HMCN2: variants seen among roughly 807,000 people sequenced by gnomAD.
The protein encoded by HMCN2 is hemicentin-2.
A neutral mutation model predicts 377.5 loss-of-function variants in HMCN2; 325 were observed. That is an observed-to-expected ratio of 0.86 (90% CI 0.79 to 0.94). The LOEUF is 0.94. Among genes scored for constraint, HMCN2 ranks in the 40% least tolerant of loss-of-function variants. The pLI is 0.00. For missense variants in HMCN2, 4,543 were observed against 4,725.3 expected, an observed-to-expected ratio of 0.96 and a Z score of 1.13; for synonymous variants, 2,007 against 2,046.8, an observed-to-expected ratio of 0.98 and a Z score of 0.53.
chr9:130,422,826 C>T lies in HMCN2; in HGVS notation c.13381+100C>T, dbSNP rs1456480132. 2.0e-6 allele frequency: 2 copies of T among 1,022,128 alleles called. No homozygotes were observed. Among genetic ancestry groups the T allele is most frequent in the East Asian group, 3.3e-5 (1 of 30,734 alleles). 63.3% of individuals were successfully genotyped at this position (1,022,128 alleles called of 1,614,324 possible). On this transcript the variant is annotated intron_variant, in intron 87 of 97. Transcript: ENST00000683500. This position sits in a 1 kb window ranked among gnomAD's most constrained non-coding sequence, Gnocchi z 4.2. ...GACCTAGGAGGCGCAGAGCCTGTGC[C>T]CCGAGACTTGCTCAAGGCCTGATGA...
chr9:130,426,250 A>C (rs1844356813), intron 90 of HMCN2, among the ~76,000 whole-genome samples: 1 of 152,200 alleles, frequency 6.6e-6, no homozygotes, highest in Non-Finnish European at 1.5e-5. Context: ...TCCCGAGGGC[A>C]CCTGCACTGA....
intron 83 of HMCN2, among the ~76,000 whole-genome samples, 173 bp from the exon 84 acceptor site, chr9:130,408,570 C>T (rs867129865): frequency 6.6e-6 from 1 of 152,162 alleles, no homozygotes; most frequent in African/African-American, 2.4e-5. Context: ...TGACCCATGA[C>T]ATGAACACTG....
rs757269886 is a variant in HMCN2, at chr9:130,395,254, C to T, written c.10818C>T (p.Val3606=). The T allele has an allele frequency of 1.4e-5, 18 of 1,289,408 alleles. No individual in the cohort carries two copies. The highest frequency in any genetic ancestry group is 4.2e-4 in the Middle Eastern group (2 of 4,712). 79.9% of individuals were successfully genotyped at this position (1,289,408 alleles called of 1,614,324 possible). The change falls in exon 71 of 98, where the codon GTC becomes GTT. Residue 3606 remains valine, a synonymous_variant. Transcript: ENST00000683500. ...IVGPRGPRFV[V]GLAPGQLVLE... Reference sequence around the variant, plus strand: ...GGCCCCGAGGCCCCCGCTTTGTGGTCGGCCTGGCCCCAGGGCAGCTGGTCC... The same window carrying T: ...GGCCCCGAGGCCCCCGCTTTGTGGTTGGCCTGGCCCCAGGGCAGCTGGTCC...
chr9:130,424,660 A>G, intron 87 of HMCN2, 116 bp from the exon 88 acceptor site: 1 of 1,105,538 alleles, frequency 9.0e-7, no homozygotes, highest in Non-Finnish European at 1.2e-6. Flanking sequence ...TATGGACATC[A>G]AGGGAAGGGG....
chr9:130,322,368 G>GTCTA (rs1339040454), intron 19 of HMCN2, among the ~76,000 whole-genome samples: 3 of 150,978 alleles, frequency 2.0e-5, no homozygotes, highest in Admixed American at 2.0e-4. Flanking sequence ...CTATCCATCT[G>GTCTA]TCTATCTATC....
At position 130,350,383 on chromosome 9, in the gene HMCN2, AAATAC is replaced by A. The variant is rs1320272527; in HGVS notation, c.4430+723_4430+727del. ...CCCTGTCTCTGCTAAAAATACAAAA[AAATAC>A]AAAAAAAAAAAAAAAAGAAATAGCC... is the stretch of plus-strand genomic sequence containing the variant. On this transcript the variant is annotated intron_variant, in intron 29 of 97. Transcript: ENST00000683500. Among the ~76,000 whole-genome samples, 145 of 139,254 alleles carry A rather than the reference AAATAC, an allele frequency of 1.0e-3. 21 individuals carry two copies. The highest frequency in any genetic ancestry group is 2.1e-3 in the Non-Finnish European group (132 of 63,934). The allele number at this position is 139,254 out of a possible 152,430, so 91.4% of individuals were successfully genotyped here.
chr9:130,395,800 C>A, intron 71 of HMCN2, 124 bp from the exon 72 acceptor site: 1 of 1,046,316 alleles, frequency 9.6e-7, no homozygotes, highest in Non-Finnish European at 1.2e-6. Context: ...GGCCTGCGGT[C>A]AGCCTGGAAG....
At position 130,308,324 on chromosome 9, in the gene HMCN2, G is replaced by C. The variant is rs963687231; in HGVS notation, c.2200+758G>C. ...GCTTGGCATTCTTAGTGATAGTGCCGACGATAATGTGATTATCTGAAAATG... is the reference window on the plus strand; with the variant it reads ...GCTTGGCATTCTTAGTGATAGTGCCCACGATAATGTGATTATCTGAAAATG... On this transcript the variant is annotated intron_variant, in intron 14 of 97. Transcript: ENST00000683500. The surrounding 1 kb of genome is among the most constrained non-coding windows in gnomAD (Gnocchi z 4.1). Among the ~76,000 whole-genome samples the C allele has an allele frequency of 2.0e-5, 3 of 152,180 alleles. No individual in the cohort carries two copies. The highest frequency in any genetic ancestry group is 6.5e-5 in the Admixed American group (1 of 15,284).
intron 1 of HMCN2, among the ~76,000 whole-genome samples, chr9:130,278,733 C>G (rs1554924452): frequency 6.7e-6 from 1 of 150,128 alleles, no homozygotes; most frequent in African/African-American, 2.5e-5. Flanking sequence ...CAGGCATGCA[C>G]CACCACACCC....
At position 130,392,924 on chromosome 9, in the gene HMCN2, A is replaced by G. The variant is rs1284246937; in HGVS notation, c.10137-288A>G. On this transcript the variant is annotated intron_variant, in intron 66 of 97. Transcript: ENST00000683500. ...GGCAGGAGAATGGCGTGAACCCGGGAGGCGGAGCTTGCAGTGAGCCGAGAT... is the reference window on the plus strand; with the variant it reads ...GGCAGGAGAATGGCGTGAACCCGGGGGGCGGAGCTTGCAGTGAGCCGAGAT... 7.2e-4 allele frequency among the ~76,000 whole-genome samples: 109 copies of G among 151,678 alleles called. No individual in the cohort carries two copies. The Middle Eastern group carries it at 0.017, about 24-fold the overall frequency.
intron 45 of HMCN2, among the ~76,000 whole-genome samples, chr9:130,370,523 C>G (rs1840960534): frequency 6.6e-6 from 1 of 152,226 alleles, no homozygotes. Context: ...ACCCCCACCC[C>G]CCTGGGTAGA....
At chr9:130,417,163 T>C (rs1843738494) in intron 85 of HMCN2, among the ~76,000 whole-genome samples, 2 of 151,838 alleles carry the variant, frequency 1.3e-5, no homozygotes, top group South Asian at 4.2e-4. Flanking sequence ...TCCACCCACC[T>C]CAGCCTCCCA....
chr9:130,363,248 G>T (rs1408426129), intron 40 of HMCN2, among the ~76,000 whole-genome samples: 1 of 152,216 alleles, frequency 6.6e-6, no homozygotes, highest in Admixed American at 6.5e-5. Context: ...CGCGGAAGGG[G>T]TGTGAAGTAG....
Position 130,406,580 on chromosome 9 carries a change from A to G in HMCN2, c.12553+412A>G, listed in dbSNP as rs763032781. 18 of 203,904 alleles carry G rather than the reference A, an allele frequency of 8.8e-5. No individual in the cohort carries two copies. The South Asian group carries it at 9.2e-4, about 10-fold the overall frequency. 12.6% of individuals were successfully genotyped at this position (203,904 alleles called of 1,614,324 possible). On this transcript the variant is annotated intron_variant, in intron 82 of 97. Coordinates refer to ENST00000683500, the MANE Select transcript of HMCN2 (RefSeq NM_001291815.2). ...CTGTGGAGTACCTGCTGGGTACTCA[A>G]TGTTTGCTGAATTGATAAATTGCTA...
chr9:130,398,024 G>A (rs1842688356), intron 74 of HMCN2, among the ~76,000 whole-genome samples: 3 of 151,316 alleles, frequency 2.0e-5, no homozygotes, highest in East Asian at 1.9e-4. Flanking sequence ...ATGGTGGCAC[G>A]TGCCTGTAGT....
At chr9:130,321,299 G>T (rs1218810409) in intron 18 of HMCN2, among the ~76,000 whole-genome samples, 1 of 145,914 alleles carries the variant, frequency 6.9e-6, no homozygotes, top group African/African-American at 2.5e-5. Context: ...GGCGCGCGCT[G>T]AACGCACAGT....
chr9:130,265,943 TGGCC>T lies in HMCN2; in HGVS notation c.68_71del (p.Ala23GlyfsTer6). On this transcript the variant is annotated frameshift_variant, in exon 1 of 98. Transcript: ENST00000683500. LOFTEE classifies it high-confidence loss of function. ...GTCTCTGCGGCAGTGGCAGTGGCAG[TGGCC>T]GGGGCGCCCGGGACGGTAATGCCCC... is the stretch of plus-strand genomic sequence containing the variant. 4.8e-6 allele frequency: 2 copies of T among 418,204 alleles called. No homozygotes were observed. Among genetic ancestry groups the T allele is most frequent in the Non-Finnish European group, 4.8e-6 (1 of 206,640 alleles). 25.9% of individuals were successfully genotyped at this position (418,204 alleles called of 1,614,324 possible).
intron 22 of HMCN2, among the ~76,000 whole-genome samples, chr9:130,332,595 T>C (rs1396482556): frequency 6.6e-6 from 1 of 152,224 alleles, no homozygotes; most frequent in Non-Finnish European, 1.5e-5. Context: ...GCTCGTGCGA[T>C]GGCGCTGGCT....
Position 130,360,387 on chromosome 9 carries a change from C to G in HMCN2, c.5774-41C>G. On this transcript the variant is annotated intron_variant, in intron 37 of 97. Transcript: ENST00000683500. The surrounding 1 kb of genome is among the most constrained non-coding windows in gnomAD (Gnocchi z 4.7). The stretch of plus-strand genomic sequence containing the variant: ...TTCTCTCTTCCATTCCCCCTTGCTT[C>G]TCTCTTCCTTTCCCCCTTGCATCTC... 1 of 1,182,896 alleles carries G rather than the reference C, an allele frequency of 8.5e-7. No individual in the cohort carries two copies. The allele number at this position is 1,182,896 out of a possible 1,614,324, so 73.3% of individuals were successfully genotyped here. A position where few individuals can be genotyped will look rare whatever the true frequency, so the allele number is the denominator to read the frequency against.
Sources: allele counts gnomAD v4.1 joint callset (sites outside exome capture counted in the v4.1 genomes callset), GRCh38; gene constraint gnomAD v4.1.1; non-coding constraint Gnocchi (gnomAD v3.1); transcripts MANE v1.5; gene names NCBI Gene and HGNC (gene_info 2026-07-23, HGNC 2026-07-21).